The following CCNY variants were observed in gnomAD, a reference collection of about 807,000 sequenced individuals.
CCNY encodes cyclin Y.
Under a neutral mutation model 42.8 loss-of-function variants are expected in CCNY, and 19 were observed. That is an observed-to-expected ratio of 0.44 (90% confidence interval 0.31 to 0.65). CCNY has a LOEUF of 0.65. Among genes scored for constraint, CCNY ranks in the 30% least tolerant of loss-of-function variants. The pLI is 0.07. For synonymous variants in CCNY, 165 were observed against 162.7 expected (o/e 1.01, Z -0.11); for missense variants, 370 against 437.3 (o/e 0.85, Z 1.37).
At chr10:35,304,123 T>C (rs2135077221) in intron 3 of CCNY, among the ~76,000 whole-genome samples, 1 of 152,236 alleles carries the variant, frequency 6.6e-6, no homozygotes, top group East Asian at 1.9e-4. Context: ...CGTCTTTCAG[T>C]AGCTTTGCAC....
At chr10:35,545,058 A>G (rs1841083594) in intron 7 of CCNY, among the ~76,000 whole-genome samples, 1 of 152,214 alleles carries the variant, frequency 6.6e-6, no homozygotes, top group Non-Finnish European at 1.5e-5. Flanking sequence ...TGAAAATCAC[A>G]ACATGACTAA....
intron 1 of CCNY, among the ~76,000 whole-genome samples, chr10:35,418,449 T>C (rs1838074249): frequency 1.3e-5 from 2 of 152,226 alleles, no homozygotes; most frequent in South Asian, 4.1e-4. Context: ...TATGGAGAAA[T>C]TGGGCAATCA....
intron 1 of CCNY, among the ~76,000 whole-genome samples, chr10:35,367,713 C>T (rs1037982933): frequency 1.3e-5 from 2 of 152,174 alleles, no homozygotes; most frequent in Non-Finnish European, 2.9e-5. Context: ...GGGTTGTCAG[C>T]GTGCGCCCAT....
intron 1 of CCNY, among the ~76,000 whole-genome samples, chr10:35,389,926 A>G (rs2135208379): frequency 6.6e-6 from 1 of 151,570 alleles, no homozygotes; most frequent in Non-Finnish European, 1.5e-5. Context: ...AACAAAATGA[A>G]CAAAGTGAAT....
At chr10:35,335,563 G>T (rs933093594), upstream of CCNY, among the ~76,000 whole-genome samples, 2 of 149,202 alleles carry the variant, frequency 1.3e-5, no homozygotes, top group African/African-American at 4.9e-5. Flanking sequence ...TAAATGCTTA[G>T]AAAAAAAAAA....
intron 3 of CCNY, among the ~76,000 whole-genome samples, chr10:35,260,381 G>C (rs909029892): frequency 2.6e-5 from 4 of 152,080 alleles, no homozygotes; most frequent in African/African-American, 9.7e-5. Flanking sequence ...ATCCTGCCAG[G>C]GGCCGACTGG....
intron 1 of CCNY, among the ~76,000 whole-genome samples, chr10:35,376,789 C>T (rs1837061861): frequency 6.6e-6 from 1 of 152,046 alleles, no homozygotes; most frequent in Non-Finnish European, 1.5e-5. Context: ...TGAAAGAAGC[C>T]AGTCATAAAA....
chr10:35,270,175 C>T (rs1835145487), intron 3 of CCNY, among the ~76,000 whole-genome samples: 1 of 152,068 alleles, frequency 6.6e-6, no homozygotes, highest in Non-Finnish European at 1.5e-5. Flanking sequence ...CTCCAATTGC[C>T]CTTAATGACT....
intron 1 of CCNY, chr10:35,347,540 G>A: frequency 2.1e-6 from 1 of 469,226 alleles, no homozygotes; most frequent in Non-Finnish European, 2.8e-6. Context: ...TCTTTATTTT[G>A]GGTGGATGCT....
intron 2 of CCNY, among the ~76,000 whole-genome samples, chr10:35,495,906 AGT>A (rs1332016568): frequency 6.6e-6 from 1 of 152,208 alleles, no homozygotes; most frequent in Non-Finnish European, 1.5e-5. Flanking sequence ...TGAGTGAGTG[AGT>A]GAGTGAATTC....
chr10:35,253,261 T>A (rs2095713180), intron 3 of CCNY, among the ~76,000 whole-genome samples: 1 of 151,894 alleles, frequency 6.6e-6, no homozygotes, highest in African/African-American at 2.4e-5. Flanking sequence ...TCCACGTAAT[T>A]TTTTTTGGGA....
intron 2 of CCNY, among the ~76,000 whole-genome samples, chr10:35,497,066 T>C (rs914303428): frequency 1.3e-5 from 2 of 152,316 alleles, no homozygotes; most frequent in South Asian, 4.1e-4. Context: ...TTAACTATCA[T>C]AGATTGTGTC....
intron 1 of CCNY, among the ~76,000 whole-genome samples, chr10:35,465,938 A>AGAGAGAGAGAGTGTGT: frequency 0.049 from 3,931 of 80,216 alleles, 127 homozygotes; most frequent in Middle Eastern, 0.061. Flanking sequence ...AGAGAGAGAG[A>AGAGAGAGAGAGTGTGT]GTGTGTGTGT....
At chr10:35,493,836 C>G (rs955356149) in intron 2 of CCNY, among the ~76,000 whole-genome samples, 3 of 152,220 alleles carry the variant, frequency 2.0e-5, no homozygotes, top group Non-Finnish European at 4.4e-5. Context: ...CACAAGTTCT[C>G]AGTAAATATA....
At chr10:35,375,904 T>C (rs1034813745) in intron 1 of CCNY, among the ~76,000 whole-genome samples, 3 of 151,428 alleles carry the variant, frequency 2.0e-5, no homozygotes, top group African/African-American at 7.3e-5. Context: ...TAAAAAAGGG[T>C]GAGAATAGAG....
At chr10:35,519,183 A>C (rs1284342410) in intron 4 of CCNY, among the ~76,000 whole-genome samples, 2 of 150,322 alleles carry the variant, frequency 1.3e-5, no homozygotes, top group Non-Finnish European at 3.0e-5. Context: ...TTTTTAACAG[A>C]TCTTGATTGA....
chr10:35,442,088 G>A (rs1838682287), intron 1 of CCNY, among the ~76,000 whole-genome samples: 1 of 152,208 alleles, frequency 6.6e-6, no homozygotes, highest in Non-Finnish European at 1.5e-5. Flanking sequence ...AAGCAATAGT[G>A]AAAGTGTACC....
intron 1 of CCNY, among the ~76,000 whole-genome samples, chr10:35,415,052 A>G (rs1837995993): frequency 6.6e-6 from 1 of 152,204 alleles, no homozygotes; most frequent in African/African-American, 2.4e-5. Flanking sequence ...TTGGCAAAGC[A>G]TGATGTAGTT....
chr10:35,379,081 C>T (rs1837118980), intron 1 of CCNY, among the ~76,000 whole-genome samples: 1 of 152,110 alleles, frequency 6.6e-6, no homozygotes, highest in Admixed American at 6.6e-5. Context: ...GTGGGATGGA[C>T]CCACACAAAG....
Sources: allele counts gnomAD v4.1 joint callset (sites outside exome capture counted in the v4.1 genomes callset), GRCh38; gene constraint gnomAD v4.1.1; transcripts MANE v1.5; gene names NCBI Gene and HGNC (gene_info 2026-07-23, HGNC 2026-07-21).